The following OSBP2 variants were observed in gnomAD, a reference collection of about 807,000 sequenced individuals.
OSBP2 encodes the protein oxysterol-binding protein 2.
A neutral mutation model predicts 96.0 loss-of-function variants in OSBP2; 66 were observed. That is an observed-to-expected ratio of 0.69 (90% CI 0.56 to 0.84). The LOEUF (loss-of-function observed/expected upper bound fraction) is 0.84, where lower values mean the gene tolerates loss of function less well. Among genes scored for constraint, OSBP2 ranks in the 40% least tolerant of loss-of-function variants. The pLI, the probability that OSBP2 is intolerant of heterozygous loss-of-function variation, is 0.00. For synonymous variants in OSBP2, 525 were observed against 520.9 expected, an observed-to-expected ratio of 1.01 and a Z score of -0.11; for missense variants, 1,038 against 1,222.7, an observed-to-expected ratio of 0.85 and a Z score of 2.25.
rs531500370 is a variant in OSBP2 at position 30,742,452 on chromosome 22, A to G, written c.853+1083A>G. 1.8e-3 allele frequency among the ~76,000 whole-genome samples: 273 copies of G among 152,122 alleles called. 6 individuals carry two copies. Among genetic ancestry groups the G allele is most frequent in the South Asian group, 8.5e-3 (41 of 4,814 alleles). On this transcript the variant is annotated intron_variant, in intron 2 of 13. Coordinates refer to ENST00000332585, the MANE Select transcript of OSBP2 (RefSeq NM_030758.4). ...ATATTTTAACATGACTCATAAACCA[A>G]CAGCTTCTAAATCCTACACAGTGAG...
intron 3 of OSBP2, among the ~76,000 whole-genome samples, chr22:30,884,176 C>T (rs929843073): frequency 2.0e-5 from 3 of 152,212 alleles, no homozygotes; most frequent in Non-Finnish European, 4.4e-5. Context: ...TCTCACACAT[C>T]ATCAGGATGA....
At chr22:30,741,017 A>C (rs750340688) in intron 1 of OSBP2, 144 bp from the exon 2 acceptor site, 10 of 663,100 alleles carry the variant, frequency 1.5e-5, no homozygotes, top group African/African-American at 1.1e-4. Context: ...GGCAGTTCCA[A>C]TAGGCATCAT....
intron 2 of OSBP2, among the ~76,000 whole-genome samples, chr22:30,760,342 G>A (rs535238924): frequency 6.6e-6 from 1 of 152,274 alleles, no homozygotes; most frequent in East Asian, 1.9e-4. Flanking sequence ...CAAAGATAGT[G>A]TAAGAAAAGA....
At chr22:30,747,101 G>T (rs533084203) in intron 2 of OSBP2, among the ~76,000 whole-genome samples, 49 of 152,242 alleles carry the variant, frequency 3.2e-4, no homozygotes, top group African/African-American at 1.1e-3. Context: ...ACAGAAAAAC[G>T]ATCTGACAAA....
intron 2 of OSBP2, among the ~76,000 whole-genome samples, chr22:30,866,700 G>A (rs1261074498): frequency 6.6e-6 from 1 of 152,034 alleles, no homozygotes; most frequent in Non-Finnish European, 1.5e-5. Flanking sequence ...TTGCGCCACT[G>A]CACTCCAGCC....
At chr22:30,751,978 A>G (rs2090079252) in intron 2 of OSBP2, among the ~76,000 whole-genome samples, 1 of 151,582 alleles carries the variant, frequency 6.6e-6, no homozygotes, top group African/African-American at 2.4e-5. Flanking sequence ...AGGCGTGCTC[A>G]CACTTCCCAA....
At chr22:30,774,479 G>A (rs946994116) in intron 2 of OSBP2, among the ~76,000 whole-genome samples, 1 of 152,168 alleles carries the variant, frequency 6.6e-6, no homozygotes, top group Non-Finnish European at 1.5e-5. Context: ...CCACCACCTT[G>A]GGGCCCTTCA....
chr22:30,801,141 A>G (rs960866265), intron 2 of OSBP2, among the ~76,000 whole-genome samples: 1 of 152,184 alleles, frequency 6.6e-6, no homozygotes, highest in Non-Finnish European at 1.5e-5. Context: ...GGTGTTTGGG[A>G]GGTGATTGTG....
intron 2 of OSBP2, among the ~76,000 whole-genome samples, chr22:30,869,301 G>A (rs887656655): frequency 6.6e-6 from 1 of 152,228 alleles, no homozygotes; most frequent in Admixed American, 6.5e-5. Flanking sequence ...GGCAGTGTGG[G>A]TATGACTTCA....
chr22:30,774,618 C>T (rs1203198843), intron 2 of OSBP2, among the ~76,000 whole-genome samples: 1 of 152,236 alleles, frequency 6.6e-6, no homozygotes, highest in Non-Finnish European at 1.5e-5. Context: ...CAAATCTACT[C>T]ACCCAGCAGT....
chr22:30,712,412 G>T (rs1377837228), intron 1 of OSBP2, among the ~76,000 whole-genome samples: 1 of 152,134 alleles, frequency 6.6e-6, no homozygotes, highest in Non-Finnish European at 1.5e-5. Flanking sequence ...GTATTTGTTG[G>T]TTCTGGGTCC....
At chr22:30,833,301 T>C (rs2147009661) in intron 2 of OSBP2, among the ~76,000 whole-genome samples, 1 of 152,266 alleles carries the variant, frequency 6.6e-6, no homozygotes, top group Middle Eastern at 3.4e-3. Flanking sequence ...ATTCATGACT[T>C]TTTTTTCCTG....
chr22:30,790,398 C>T (rs1303844295), intron 2 of OSBP2, among the ~76,000 whole-genome samples: 2 of 152,074 alleles, frequency 1.3e-5, no homozygotes, highest in Admixed American at 6.5e-5. Context: ...TTTCCATACA[C>T]ATGATCCGTG....
At chr22:30,789,838 T>C (rs148386505) in intron 2 of OSBP2, among the ~76,000 whole-genome samples, 51 of 152,302 alleles carry the variant, frequency 3.3e-4, no homozygotes, top group African/African-American at 1.2e-3. Flanking sequence ...TGAGATTCTT[T>C]GTCTGCAACA....
intron 2 of OSBP2, among the ~76,000 whole-genome samples, chr22:30,782,094 C>G (rs912620684): frequency 6.6e-6 from 1 of 152,010 alleles, no homozygotes; most frequent in Non-Finnish European, 1.5e-5. Context: ...TGCAGTGAGC[C>G]GAGATTACGC....
intron 2 of OSBP2, among the ~76,000 whole-genome samples, chr22:30,809,474 T>C (rs2090977437): frequency 6.6e-6 from 1 of 152,102 alleles, no homozygotes; most frequent in South Asian, 2.1e-4. Flanking sequence ...TCATACCCCA[T>C]GTTCAGAGAT....
chr22:30,730,153 G>T (rs1424806985), intron 1 of OSBP2, among the ~76,000 whole-genome samples: 2 of 151,958 alleles, frequency 1.3e-5, no homozygotes, highest in African/African-American at 2.4e-5. Flanking sequence ...AGTAGAGACG[G>T]GATTTCACCA....
chr22:30,790,487 T>C (rs1015882508), intron 2 of OSBP2, among the ~76,000 whole-genome samples: 1 of 151,924 alleles, frequency 6.6e-6, no homozygotes, highest in East Asian at 1.9e-4. Context: ...AGACTTCAGT[T>C]TGGTAGCTGC....
intron 2 of OSBP2, among the ~76,000 whole-genome samples, chr22:30,823,230 G>A (rs2038322379): frequency 6.6e-6 from 1 of 152,172 alleles, no homozygotes; most frequent in Non-Finnish European, 1.5e-5. Context: ...CTGAATGACT[G>A]CCCTGGCCTG....
Sources: allele counts gnomAD v4.1 joint callset (sites outside exome capture counted in the v4.1 genomes callset), GRCh38; gene constraint gnomAD v4.1.1; transcripts MANE v1.5; gene names NCBI Gene and HGNC (gene_info 2026-07-23, HGNC 2026-07-21).